The following GRID2 variants were observed in gnomAD, a reference collection of about 807,000 sequenced individuals.
GRID2 encodes glutamate ionotropic receptor delta type subunit 2.
A neutral mutation model predicts 114.8 loss-of-function variants in GRID2; 33 were observed. That is an observed-to-expected ratio of 0.29 (90% CI 0.22 to 0.38). The LOEUF is 0.38. Among genes scored for constraint, GRID2 ranks in the 10% least tolerant of loss-of-function variants. GRID2 has a pLI of 1.00. For missense variants in GRID2, 1,184 were observed against 1,257.7 expected (o/e 0.94, Z 0.89); for synonymous variants, 505 against 449.9 (o/e 1.12, Z -1.55).
chr4:93,612,240 A>G (rs1345076067), intron 13 of GRID2, among the ~76,000 whole-genome samples: 1 of 148,918 alleles, frequency 6.7e-6, no homozygotes, highest in African/African-American at 2.5e-5. Context: ...AATACAGCAC[A>G]CTGATGGGTC....
At chr4:93,311,515 A>G (rs150544316) in intron 8 of GRID2, among the ~76,000 whole-genome samples, 3,211 of 152,270 alleles carry the variant, frequency 0.021, 124 homozygotes, top group African/African-American at 0.073. Flanking sequence ...ACGTAGTTAG[A>G]TATATGTATA....
intron 10 of GRID2, among the ~76,000 whole-genome samples, chr4:93,429,007 A>G (rs1769138100): frequency 6.6e-6 from 1 of 152,164 alleles, no homozygotes; most frequent in Non-Finnish European, 1.5e-5. Flanking sequence ...GTGTCAGTTG[A>G]TTGTATCTGC....
chr4:93,508,063 C>T lies in GRID2; in HGVS notation c.1998-7153C>T, dbSNP rs71599285. Among the ~76,000 whole-genome samples the T allele has an allele frequency of 1.9e-3, 286 of 152,006 alleles. 1 individual carries two copies. The highest frequency in any genetic ancestry group is 3.4e-3 in the Middle Eastern group (1 of 294). On this transcript the variant is annotated intron_variant, in intron 12 of 15. Coordinates refer to ENST00000282020, the MANE Select transcript of GRID2 (RefSeq NM_001510.4). ...AGGAGATATACCTAATGCTAAATGA[C>T]GAGTTAATGAGTGCAGCACACCAGC...
intron 3 of GRID2, among the ~76,000 whole-genome samples, chr4:93,099,566 G>A (rs1292848905): frequency 2.0e-5 from 3 of 151,688 alleles, no homozygotes; most frequent in Non-Finnish European, 3.0e-5. Flanking sequence ...AGTATGCTGG[G>A]TAGATATGTA....
At position 92,996,664 on chromosome 4, in the gene GRID2, C is replaced by T. The variant is rs558489812; in HGVS notation, c.245-88331C>T. On this transcript the variant is annotated intron_variant, in intron 2 of 15. Coordinates refer to ENST00000282020, the MANE Select transcript of GRID2 (RefSeq NM_001510.4). Reference sequence around the variant, plus strand: ...CGGAAAATTCTAAACTCTTTTAGATCACTCAGATTCCATCTAGTAAATTAC... The same window carrying T: ...CGGAAAATTCTAAACTCTTTTAGATTACTCAGATTCCATCTAGTAAATTAC... Among the ~76,000 whole-genome samples, 209 of 152,286 alleles carry T rather than the reference C, an allele frequency of 1.4e-3. 1 individual carries two copies. Among genetic ancestry groups the T allele is most frequent in the African/African-American group, 4.8e-3 (201 of 41,572 alleles).
At chr4:93,088,894 A>G (rs919396436) in intron 3 of GRID2, among the ~76,000 whole-genome samples, 2 of 152,118 alleles carry the variant, frequency 1.3e-5, no homozygotes, top group African/African-American at 2.4e-5. Flanking sequence ...GATCTTAATC[A>G]TTTATCAGTA....
chr4:93,262,586 C>A (rs1750370043), intron 8 of GRID2, among the ~76,000 whole-genome samples: 1 of 151,830 alleles, frequency 6.6e-6, no homozygotes, highest in Admixed American at 6.6e-5. Flanking sequence ...TATAAACTTA[C>A]CTACTTCTTA....
chr4:93,204,644 G>T (rs1359469078), intron 4 of GRID2, among the ~76,000 whole-genome samples: 1 of 151,964 alleles, frequency 6.6e-6, no homozygotes, highest in Non-Finnish European at 1.5e-5. Context: ...ATTATTTCTT[G>T]CTTTTGCCTA....
At chr4:92,856,570 A>G (rs146599634) in intron 2 of GRID2, among the ~76,000 whole-genome samples, 117 of 152,268 alleles carry the variant, frequency 7.7e-4, no homozygotes, top group African/African-American at 2.7e-3. Context: ...ATCAGTTGCA[A>G]TCAAACTATG....
At chr4:93,203,104 C>A (rs542020656) in intron 4 of GRID2, among the ~76,000 whole-genome samples, 1 of 152,146 alleles carries the variant, frequency 6.6e-6, no homozygotes, top group South Asian at 2.1e-4. Context: ...ATGCTCCTAC[C>A]ATTACTGATA....
chr4:92,482,470 G>A (rs1722663335), intron 1 of GRID2, among the ~76,000 whole-genome samples: 1 of 152,038 alleles, frequency 6.6e-6, no homozygotes, highest in Admixed American at 6.6e-5. Context: ...AATATAAAAT[G>A]AAATAAAAAT....
At chr4:92,364,249 A>C (rs1469960330) in intron 1 of GRID2, among the ~76,000 whole-genome samples, 1 of 152,094 alleles carries the variant, frequency 6.6e-6, no homozygotes, top group Non-Finnish European at 1.5e-5. Flanking sequence ...TGCTAAATGT[A>C]TGTTTAAAAG....
intron 14 of GRID2, among the ~76,000 whole-genome samples, chr4:93,748,936 T>G (rs922731838): frequency 1.3e-5 from 2 of 152,008 alleles, no homozygotes; most frequent in Non-Finnish European, 2.9e-5. Context: ...TAATAAATGT[T>G]AAGCAAACCA....
rs70942914 is a variant in GRID2, at chr4:92,587,098, CTGTGTGTGTGTGTGTG to C, written c.89-3005_89-2990del. 6.7e-5 allele frequency among the ~76,000 whole-genome samples: 9 copies of C among 133,846 alleles called. No individual in the cohort carries two copies. The South Asian group carries it at 1.3e-3, about 19-fold the overall frequency. The allele number at this position is 133,846 out of a possible 152,430, so 87.8% of individuals were successfully genotyped here. A position where few individuals can be genotyped will look rare whatever the true frequency, so the allele number is the denominator to read the frequency against. The stretch of plus-strand genomic sequence containing the variant: ...ATATATAGAGAGTACTGATGAAATG[CTGTGTGTGTGTGTGTG>C]TGTGTGTGTGTGTGTGTGTGTGTGT... On this transcript the variant is annotated intron_variant, in intron 1 of 15. Coordinates refer to ENST00000282020, the MANE Select transcript of GRID2 (RefSeq NM_001510.4).
At chr4:93,655,338 G>A (rs1178012722) in intron 14 of GRID2, among the ~76,000 whole-genome samples, 1 of 152,070 alleles carries the variant, frequency 6.6e-6, no homozygotes, top group Non-Finnish European at 1.5e-5. Context: ...TGTCTTTGGG[G>A]CAATTATATA....
chr4:93,002,471 G>T (rs1439883399), intron 2 of GRID2, among the ~76,000 whole-genome samples: 1 of 150,976 alleles, frequency 6.6e-6, no homozygotes, highest in African/African-American at 2.4e-5. Flanking sequence ...TTTGTTTTAA[G>T]TATTGTTGAC....
intron 1 of GRID2, among the ~76,000 whole-genome samples, chr4:92,319,316 T>C (rs1726182739): frequency 6.6e-6 from 1 of 152,198 alleles, no homozygotes; most frequent in Non-Finnish European, 1.5e-5. Flanking sequence ...CAAAGTAAGA[T>C]GTACTGTAAT....
intron 13 of GRID2, among the ~76,000 whole-genome samples, chr4:93,533,131 T>A (rs1173980651): frequency 1.3e-5 from 2 of 152,130 alleles, no homozygotes; most frequent in African/African-American, 4.8e-5. Flanking sequence ...TCCCACCTTT[T>A]ATTTTTTTCT....
intron 2 of GRID2, among the ~76,000 whole-genome samples, chr4:92,633,840 C>T (rs1730927544): frequency 6.6e-6 from 1 of 151,164 alleles, no homozygotes; most frequent in South Asian, 2.1e-4. Context: ...ATCATTTTGC[C>T]AAGTCAACTG....
Sources: gnomAD v4.1 joint callset for allele counts (sites outside exome capture counted in the v4.1 genomes callset) on GRCh38, gnomAD v4.1.1 for gene constraint, MANE v1.5 for transcripts, NCBI Gene and HGNC (gene_info 2026-07-23, HGNC 2026-07-21) for gene names.